Variants in RBFOX1 observed in about 807,000 individuals in gnomAD.
The protein encoded by RBFOX1 is RNA binding fox-1 homolog 1.
A neutral mutation model predicts 57.7 loss-of-function variants in RBFOX1; 8 were observed. The ratio of observed to expected loss-of-function variants is 0.14; its 90% confidence interval spans 0.08 to 0.25. The LOEUF (loss-of-function observed/expected upper bound fraction) is 0.25. Among genes scored for constraint, RBFOX1 ranks in the 10% least tolerant of loss-of-function variants. The pLI, the probability that RBFOX1 is intolerant of heterozygous loss-of-function variation, is 1.00. For missense variants in RBFOX1, 611 were observed against 548.5 expected (o/e 1.11, Z -1.14); for synonymous variants, 326 against 222.4 (o/e 1.47, Z -4.15).
At chr16:5,550,608 A>C (rs1268466967) in intron 2 of RBFOX1, among the ~76,000 whole-genome samples, 1 of 152,200 alleles carries the variant, frequency 6.6e-6, no homozygotes, top group East Asian at 1.9e-4. Flanking sequence ...TTCAATCACC[A>C]GCTTGTTATT....
rs560832452 is a variant in RBFOX1, at chr16:5,798,000, G to A, written c.319-69303G>A. ...CAAACAGTATTTGTATGCACCTACT[G>A]TGTGCGAAGCCCTGGGAATATATAA... On this transcript the variant is annotated intron_variant, in intron 3 of 19. Transcript: ENST00000641259. 1.4e-3 allele frequency among the ~76,000 whole-genome samples: 214 copies of A among 152,308 alleles called. 2 individuals are homozygous for A. The highest frequency in any genetic ancestry group is 6.8e-3 in the Middle Eastern group (2 of 294).
chr16:5,438,150 A>G (rs2067973454), intron 1 of RBFOX1, among the ~76,000 whole-genome samples: 1 of 152,198 alleles, frequency 6.6e-6, no homozygotes, highest in Admixed American at 6.5e-5. Flanking sequence ...TACACTTCCA[A>G]CCACAGGGGA....
intron 3 of RBFOX1, among the ~76,000 whole-genome samples, chr16:5,832,112 C>T (rs191828898): frequency 8.1e-4 from 124 of 152,248 alleles, no homozygotes; most frequent in African/African-American, 2.9e-3. Context: ...TAGGAGAGAA[C>T]TGGGAACTGA....
At chr16:7,703,974 C>T (rs2081588322) in intron 14 of RBFOX1, among the ~76,000 whole-genome samples, 1 of 152,172 alleles carries the variant, frequency 6.6e-6, no homozygotes, top group African/African-American at 2.4e-5. Context: ...ATCTAAGAAG[C>T]CATGTATCAT....
intron 3 of RBFOX1, among the ~76,000 whole-genome samples, chr16:6,965,214 G>C (rs529463001): frequency 6.6e-6 from 1 of 152,108 alleles, no homozygotes; most frequent in Non-Finnish European, 1.5e-5. Context: ...AATCACTAAT[G>C]AAAAGGAAAG....
intron 4 of RBFOX1, among the ~76,000 whole-genome samples, chr16:7,362,314 G>A (rs145763474): frequency 3.3e-4 from 50 of 151,456 alleles, no homozygotes; most frequent in African/African-American, 1.2e-3. Context: ...GTTTGCGTGT[G>A]TGTGTGTATG....
rs1043604827 is a variant in RBFOX1 at position 7,084,921 on chromosome 16, T to G, written c.27+32823T>G. On this transcript the variant is annotated intron_variant, in intron 4 of 15. Coordinates refer to ENST00000550418, the MANE Select transcript of RBFOX1 (RefSeq NM_018723.4). ...GTCCAACCAGCCATTCAGCCATCCATCCATTTGTCCATCCATGCATCTATT... is the reference window on the plus strand; with the variant it reads ...GTCCAACCAGCCATTCAGCCATCCAGCCATTTGTCCATCCATGCATCTATT... Among the ~76,000 whole-genome samples the G allele has an allele frequency of 9.2e-5, 14 of 152,206 alleles. 1 individual carries two copies. The highest frequency in any genetic ancestry group is 1.3e-4 in the Non-Finnish European group (9 of 68,048).
At chr16:5,648,517 A>C (rs541789655) in intron 3 of RBFOX1, among the ~76,000 whole-genome samples, 1 of 151,992 alleles carries the variant, frequency 6.6e-6, no homozygotes, top group Non-Finnish European at 1.5e-5. Flanking sequence ...GCTTAGTACA[A>C]CTTGCGGGGA....
At chr16:5,707,254 C>A (rs1305859809) in intron 3 of RBFOX1, among the ~76,000 whole-genome samples, 1 of 152,164 alleles carries the variant, frequency 6.6e-6, no homozygotes, top group Non-Finnish European at 1.5e-5. Flanking sequence ...GAAATGTGTG[C>A]AATTGGAATC....
intron 4 of RBFOX1, among the ~76,000 whole-genome samples, chr16:7,198,210 T>G (rs1259250970): frequency 1.3e-5 from 2 of 152,032 alleles, no homozygotes; most frequent in African/African-American, 4.8e-5. Context: ...TTTCACCGTG[T>G]TAGCCAGGAT....
chr16:5,520,566 A>G (rs543133974), intron 2 of RBFOX1, among the ~76,000 whole-genome samples: 2 of 152,326 alleles, frequency 1.3e-5, no homozygotes, highest in African/African-American at 2.4e-5. Context: ...CTGGGATGCA[A>G]TGCAATGGCT....
intron 4 of RBFOX1, among the ~76,000 whole-genome samples, chr16:7,090,967 T>G (rs1178349006): frequency 3.9e-5 from 6 of 152,186 alleles, no homozygotes; most frequent in Non-Finnish European, 7.3e-5. Context: ...GGAATACAAT[T>G]GAGCTGTTTC....
intron 1 of RBFOX1, among the ~76,000 whole-genome samples, chr16:6,089,372 C>T (rs761611854): frequency 6.6e-6 from 1 of 151,996 alleles, no homozygotes; most frequent in Admixed American, 6.6e-5. Flanking sequence ...TGCAAAGGCC[C>T]AGAGCCATAA....
At chr16:6,889,236 T>C (rs2064855858) in intron 3 of RBFOX1, among the ~76,000 whole-genome samples, 1 of 152,170 alleles carries the variant, frequency 6.6e-6, no homozygotes, top group Non-Finnish European at 1.5e-5. Flanking sequence ...AAGTGAGTCT[T>C]CTCCCACCCC....
chr16:6,227,741 C>T (rs752857623), intron 1 of RBFOX1, among the ~76,000 whole-genome samples: 6 of 152,154 alleles, frequency 3.9e-5, no homozygotes, highest in Non-Finnish European at 8.8e-5. Context: ...ATAGGGCCAA[C>T]CTCCAAACTT....
rs557679168 is a variant in RBFOX1 at position 5,394,930 on chromosome 16, G to T, written c.220-72286G>T. Among the ~76,000 whole-genome samples, 138 of 152,130 alleles carry T rather than the reference G, an allele frequency of 9.1e-4. 1 individual carries two copies. The highest frequency in any genetic ancestry group is 2.9e-3 in the South Asian group (14 of 4,812). ...TGGTAACATCCTCACTGGCCACCTT[G>T]TGTCCAGCCGGCATGATTCTCCTGA... On this transcript the variant is annotated intron_variant, in intron 1 of 2. Transcript: ENST00000585867.
At position 6,854,299 on chromosome 16, in the gene RBFOX1, T is replaced by C. The variant is rs531825815; in HGVS notation, c.-15-197758T>C. The stretch of plus-strand genomic sequence containing the variant: ...AATGTAAGGAAAGATGGAGGATCAA[T>C]ATGACTGTATTAGGAAGGAGTCTTT... On this transcript the variant is annotated intron_variant, in intron 3 of 15. Coordinates refer to ENST00000550418, the MANE Select transcript of RBFOX1 (RefSeq NM_018723.4). 5.1e-4 allele frequency among the ~76,000 whole-genome samples: 77 copies of C among 152,246 alleles called. 1 individual carries two copies. Among genetic ancestry groups the C allele is most frequent in the South Asian group, 2.9e-3 (14 of 4,824 alleles).
At chr16:5,740,034 C>G (rs1452118164) in intron 3 of RBFOX1, among the ~76,000 whole-genome samples, 2 of 152,174 alleles carry the variant, frequency 1.3e-5, no homozygotes, top group African/African-American at 4.8e-5. Context: ...GAACTGCTCT[C>G]TTTGAAATTG....
At chr16:6,180,610 G>T (rs973832863) in intron 1 of RBFOX1, among the ~76,000 whole-genome samples, 1 of 151,332 alleles carries the variant, frequency 6.6e-6, no homozygotes, top group Admixed American at 6.6e-5. Flanking sequence ...TTGTCACCCA[G>T]GCTGGAGTGC....
Sources: allele counts gnomAD v4.1 joint callset (sites outside exome capture counted in the v4.1 genomes callset), GRCh38; gene constraint gnomAD v4.1.1; transcripts MANE v1.5; gene names NCBI Gene and HGNC (gene_info 2026-07-23, HGNC 2026-07-21).